The following ALDH1A1 variants were observed in gnomAD, a reference collection of about 807,000 sequenced individuals.
ALDH1A1 encodes aldehyde dehydrogenase 1 family member A1, also known as aldehyde dehydrogenase 1A1.
In ALDH1A1, 19 loss-of-function variants were observed where a neutral mutation model predicts 62.1. That is an observed-to-expected ratio of 0.31 (90% CI 0.21 to 0.45). ALDH1A1 has a LOEUF of 0.45. ALDH1A1 is among the 20% of genes least tolerant of loss of function. The probability of loss-of-function intolerance (pLI) is 1.00; values close to 1 mark genes in which losing one functional copy is unlikely to be tolerated. For missense variants in ALDH1A1, 521 were observed against 607.1 expected (o/e 0.86, Z 1.49); for synonymous variants, 231 against 215.9 (o/e 1.07, Z -0.61).
At position 72,924,127 on chromosome 9, in the gene ALDH1A1, C is replaced by A; in HGVS notation, c.639G>T (p.Gly213=). 1.9e-6 allele frequency: 3 copies of A among 1,599,560 alleles called. No individual in the cohort carries two copies. The highest frequency in any genetic ancestry group is 2.6e-6 in the Non-Finnish European group (3 of 1,174,466). The change falls in exon 7 of 13, where the codon GGG becomes GGT. Residue 213 remains glycine (G), a synonymous_variant. Transcript: ENST00000297785. ...CAATATTCACTACTCCAGGAGGAAA[C>A]CCTGCCTAAAAGATAAAAAGTTTAA... ...LHVASLIKEA[G]FPPGVVNIVP...
At chr9:72,902,294 A>G (rs1209615927) in intron 12 of ALDH1A1, among the ~76,000 whole-genome samples, 1 of 152,060 alleles carries the variant, frequency 6.6e-6, no homozygotes, top group Non-Finnish European at 1.5e-5. Flanking sequence ...AATTACATGT[A>G]TATAAGAGTA....
intron 12 of ALDH1A1, among the ~76,000 whole-genome samples, chr9:72,902,841 A>C (rs1029460328): frequency 6.6e-6 from 1 of 151,956 alleles, no homozygotes; most frequent in African/African-American, 2.4e-5. Flanking sequence ...TCAATGTACA[A>C]ATCACCTGGG....
chr9:72,943,059 G>A (rs974205683), intron 1 of ALDH1A1, among the ~76,000 whole-genome samples: 1 of 151,988 alleles, frequency 6.6e-6, no homozygotes, highest in African/African-American at 2.4e-5. Context: ...TATTCACTTG[G>A]GAATTCTGCC....
In ALDH1A1 at chr9:72,924,090, C is replaced by A; in HGVS notation, c.676G>T (p.Gly226Trp). The part of the protein sequence containing the change: ...PGVVNIVPGY[G>W]PTAGAAISSH... ...GAAATGGCTGCCCCTGCTGTAGGCC[C>A]ATAACCAGGAACAATATTCACTACT... Residue 226 changes from glycine to tryptophan, a missense_variant, in exon 7 of 13, where the codon GGG becomes TGG. By Grantham distance (184) the Gly-to-Trp change is radical. Coordinates refer to ENST00000297785, the MANE Select transcript of ALDH1A1 (RefSeq NM_000689.5). 2.5e-6 allele frequency: 4 copies of A among 1,613,052 alleles called. No homozygotes were observed. Among genetic ancestry groups the A allele is most frequent in the African/African-American group, 1.3e-5 (1 of 74,946 alleles).
intron 9 of ALDH1A1, among the ~76,000 whole-genome samples, chr9:72,916,620 A>T (rs1038020076): frequency 2.0e-5 from 3 of 152,164 alleles, no homozygotes; most frequent in African/African-American, 7.2e-5. Flanking sequence ...GTATATAGGA[A>T]TCAAGAGGTG....
chr9:72,904,563 C>A (rs1829851003), intron 12 of ALDH1A1, among the ~76,000 whole-genome samples: 1 of 152,058 alleles, frequency 6.6e-6, no homozygotes, highest in Non-Finnish European at 1.5e-5. Context: ...CTATAAACTG[C>A]CATTAAGTTT....
chr9:72,925,417 T>G, intron 6 of ALDH1A1, 67 bp downstream of exon 6: 269 of 1,555,360 alleles, frequency 1.7e-4, no homozygotes, highest in Non-Finnish European at 2.1e-4. Context: ...TAGCAACAAA[T>G]GAGGTCTTCC....
At chr9:72,931,555 C>T (rs1290650316) in intron 2 of ALDH1A1, among the ~76,000 whole-genome samples, 1 of 152,194 alleles carries the variant, frequency 6.6e-6, no homozygotes, top group African/African-American at 2.4e-5. Context: ...AGGTCAAGCT[C>T]AAGATCCAAA....
Position 72,940,223 on chromosome 9 carries a change from T to C in ALDH1A1, c.96A>G (p.Ser32=). The change falls in exon 2 of 13, where the codon TCA becomes TCG. Residue 32 remains serine, a synonymous_variant. Coordinates refer to ENST00000297785, the MANE Select transcript of ALDH1A1 (RefSeq NM_000689.5). ...KIFINNEWHD[S]VSGKKFPVFN... ...AGACAGGAAATTTCTTGCCACTCAC[T>C]GAATCATGCCATTCATTGTTTATGA... 6.2e-7 allele frequency: 1 copy of C among 1,613,596 alleles called. No homozygotes were observed. Among genetic ancestry groups the C allele is most frequent in the Non-Finnish European group, 8.5e-7 (1 of 1,179,618 alleles).
At chr9:72,944,177 T>C (rs548964286) in intron 1 of ALDH1A1, among the ~76,000 whole-genome samples, 14 of 152,064 alleles carry the variant, frequency 9.2e-5, no homozygotes, top group Non-Finnish European at 1.9e-4. Flanking sequence ...TTAGGAATAC[T>C]GATTTTAAAG....
chr9:72,925,351 G>C, intron 6 of ALDH1A1, 133 bp downstream of exon 6: 1 of 1,043,314 alleles, frequency 9.6e-7, no homozygotes, highest in Non-Finnish European at 1.3e-6. Flanking sequence ...CAGCCGTCAT[G>C]CTAAATGTAT....
intron 1 of ALDH1A1, among the ~76,000 whole-genome samples, chr9:72,944,200 A>G (rs112088314): frequency 2.0e-5 from 3 of 152,224 alleles, no homozygotes; most frequent in African/African-American, 7.2e-5. Context: ...TCCCAAGTAG[A>G]TTTGAAGTAG....
Position 72,907,147 on chromosome 9 carries a change from C to T in ALDH1A1, c.1359-1115G>A, listed in dbSNP as rs1027544493. 1.3e-5 allele frequency among the ~76,000 whole-genome samples: 2 copies of T among 152,308 alleles called. 1 individual carries two copies. The highest frequency in any genetic ancestry group is 3.9e-4 in the East Asian group (2 of 5,184). On this transcript the variant is annotated intron_variant, in intron 11 of 12. Transcript: ENST00000297785. ...CCCGAAGTTCCACATTCTCACTGGA[C>T]CATAAAGTTCTTAACTATGTCTCTC...
chr9:72,916,879 C>T lies in ALDH1A1; in HGVS notation c.1035+41G>A, dbSNP rs770230445. On this transcript the variant is annotated intron_variant, in intron 9 of 12. Coordinates refer to ENST00000297785, the MANE Select transcript of ALDH1A1 (RefSeq NM_000689.5). ...CTAGGTCTAAAGAGGATACTTTATTCCTGTGCCCTGAAAATGCTATCCTTT... is the reference window on the plus strand; with the variant it reads ...CTAGGTCTAAAGAGGATACTTTATTTCTGTGCCCTGAAAATGCTATCCTTT... The T allele has an allele frequency of 3.3e-6, 5 of 1,493,442 alleles. No homozygotes were observed. The East Asian group carries it at 1.0e-4, about 30-fold the overall frequency. 92.5% of individuals were successfully genotyped at this position (1,493,442 alleles called of 1,614,324 possible).
intron 3 of ALDH1A1, among the ~76,000 whole-genome samples, chr9:72,929,858 G>A (rs1299028332): frequency 6.6e-6 from 1 of 152,128 alleles, no homozygotes; most frequent in Non-Finnish European, 1.5e-5. Context: ...ATGCTGACAG[G>A]CAGTCAACAA....
At chr9:72,908,942 G>A (rs541992509) in intron 11 of ALDH1A1, among the ~76,000 whole-genome samples, 4 of 152,200 alleles carry the variant, frequency 2.6e-5, no homozygotes, top group Admixed American at 6.5e-5. Context: ...TAAGAAGGCC[G>A]ATATAAGAAT....
intron 11 of ALDH1A1, among the ~76,000 whole-genome samples, chr9:72,908,506 CG>C: frequency 1.6e-5 from 1 of 63,052 alleles, no homozygotes; most frequent in Admixed American, 2.0e-4. Flanking sequence ...GAGAGAGAGA[CG>C]AAAGAAAGAA....
intron 1 of ALDH1A1, among the ~76,000 whole-genome samples, chr9:72,947,956 A>G (rs1175935885): frequency 1.3e-5 from 2 of 151,974 alleles, no homozygotes; most frequent in African/African-American, 2.4e-5. Context: ...ATATAATTCT[A>G]GGAGTCATCT....
At chr9:72,941,836 T>A (rs1276501429) in intron 1 of ALDH1A1, among the ~76,000 whole-genome samples, 1 of 152,308 alleles carries the variant, frequency 6.6e-6, no homozygotes, top group East Asian at 1.9e-4. Flanking sequence ...AAAATTATCC[T>A]GTATAGTTAG....
Sources: gnomAD v4.1 joint callset for allele counts (sites outside exome capture counted in the v4.1 genomes callset) on GRCh38, gnomAD v4.1.1 for gene constraint, MANE v1.5 for transcripts, NCBI Gene and HGNC (gene_info 2026-07-23, HGNC 2026-07-21) for gene names.